ARHGAP18: variants seen among roughly 807,000 people sequenced by gnomAD.
The protein encoded by ARHGAP18 is rho GTPase-activating protein 18.
Under a neutral mutation model 86.2 loss-of-function variants are expected in ARHGAP18, and 67 were observed. The observed-to-expected ratio is 0.78, with a 90% confidence interval of 0.64 to 0.95. The LOEUF (loss-of-function observed/expected upper bound fraction) is 0.95, where lower values mean the gene tolerates loss of function less well. Among genes scored for constraint, ARHGAP18 ranks in the 40% least tolerant of loss-of-function variants. The pLI, the probability that ARHGAP18 is intolerant of heterozygous loss-of-function variation, is 0.00. For synonymous variants in ARHGAP18, 283 were observed against 280.4 expected (o/e 1.01, Z -0.09); for missense variants, 691 against 780.4 (o/e 0.89, Z 1.37).
intron 12 of ARHGAP18, among the ~76,000 whole-genome samples, chr6:129,595,362 C>T (rs1788595769): frequency 1.3e-5 from 2 of 152,090 alleles, no homozygotes; most frequent in African/African-American, 4.8e-5. Flanking sequence ...AACTAGCCAC[C>T]TCTGTTCTTT....
intron 1 of ARHGAP18, among the ~76,000 whole-genome samples, chr6:129,653,921 T>C (rs939433660): frequency 6.6e-6 from 1 of 152,110 alleles, no homozygotes; most frequent in Non-Finnish European, 1.5e-5. Flanking sequence ...CATGTGACTG[T>C]AGTCCCAGCT....
chr6:129,623,633 T>C (rs536257126), intron 5 of ARHGAP18, among the ~76,000 whole-genome samples: 2 of 152,320 alleles, frequency 1.3e-5, no homozygotes, highest in African/African-American at 4.8e-5. Flanking sequence ...TAAGGTTTTA[T>C]CTACTTAGAC....
At chr6:129,624,630 G>A (rs180936265) in intron 5 of ARHGAP18, among the ~76,000 whole-genome samples, 5 of 151,548 alleles carry the variant, frequency 3.3e-5, no homozygotes, top group Admixed American at 3.3e-4. Flanking sequence ...TTCCCATTAG[G>A]TATAAACACA....
intron 1 of ARHGAP18, among the ~76,000 whole-genome samples, chr6:129,646,499 C>T (rs1008371970): frequency 2.6e-5 from 4 of 152,110 alleles, no homozygotes; most frequent in Non-Finnish European, 4.4e-5. Context: ...CCTCAAAGAG[C>T]TTTGGCTTAT....
intron 8 of ARHGAP18, among the ~76,000 whole-genome samples, chr6:129,610,907 T>G (rs1332450763): frequency 6.6e-6 from 1 of 151,702 alleles, no homozygotes; most frequent in Non-Finnish European, 1.5e-5. Flanking sequence ...TTCTTTTATT[T>G]TTAAGAAACA....
chr6:129,673,854 G>A (rs1339662337), intron 1 of ARHGAP18, among the ~76,000 whole-genome samples: 2 of 152,082 alleles, frequency 1.3e-5, no homozygotes, highest in African/African-American at 2.4e-5. Flanking sequence ...AAAGGAAGTA[G>A]ATATATTATC....
At chr6:129,590,135 A>G (rs562371487) in intron 12 of ARHGAP18, among the ~76,000 whole-genome samples, 378 of 152,226 alleles carry the variant, frequency 2.5e-3, no homozygotes, top group Non-Finnish European at 3.9e-3. Flanking sequence ...CCAAATATTA[A>G]TCTTCTTTGG....
intron 1 of ARHGAP18, among the ~76,000 whole-genome samples, chr6:129,701,826 G>A (rs1055850598): frequency 6.6e-6 from 1 of 152,102 alleles, no homozygotes; most frequent in African/African-American, 2.4e-5. Context: ...AGATGGGTCA[G>A]TTAGCTATGA....
intron 1 of ARHGAP18, among the ~76,000 whole-genome samples, chr6:129,708,533 ACTTAACTAATC>A (rs1161943766): frequency 6.6e-6 from 1 of 152,102 alleles, no homozygotes; most frequent in Non-Finnish European, 1.5e-5. Flanking sequence ...CCTTCCAAAA[ACTTAACTAATC>A]CCTGGGGTTT....
chr6:129,700,326 C>G (rs1185416381), intron 1 of ARHGAP18, among the ~76,000 whole-genome samples: 1 of 152,174 alleles, frequency 6.6e-6, no homozygotes, highest in Non-Finnish European at 1.5e-5. Context: ...GATTTTCCAT[C>G]TTATTAAGAG....
At chr6:129,634,236 A>G in intron 3 of ARHGAP18, 131 bp from the exon 4 acceptor site, 20 of 656,532 alleles carry the variant, frequency 3.0e-5, no homozygotes, top group South Asian at 7.7e-5. Flanking sequence ...ACAGTGAAAA[A>G]GGGGCACTAA....
At chr6:129,705,004 A>ACTAT (rs1774780507) in intron 1 of ARHGAP18, among the ~76,000 whole-genome samples, 1 of 151,954 alleles carries the variant, frequency 6.6e-6, no homozygotes, top group Admixed American at 6.6e-5. Flanking sequence ...CTCTCTACCC[A>ACTAT]CTATCTGCCT....
intron 5 of ARHGAP18, among the ~76,000 whole-genome samples, chr6:129,626,937 G>C (rs1316711835): frequency 6.6e-6 from 1 of 152,048 alleles, no homozygotes; most frequent in Non-Finnish European, 1.5e-5. Flanking sequence ...GTAATGACCA[G>C]CTCAGAGAAA....
intron 12 of ARHGAP18, among the ~76,000 whole-genome samples, chr6:129,589,689 A>T (rs1788471924): frequency 6.6e-6 from 1 of 151,936 alleles, no homozygotes; most frequent in Non-Finnish European, 1.5e-5. Context: ...GCAGCACCCC[A>T]CTCTATCGGT....
chr6:129,675,749 G>T (rs1313761571), intron 1 of ARHGAP18, among the ~76,000 whole-genome samples: 1 of 152,088 alleles, frequency 6.6e-6, no homozygotes, highest in Non-Finnish European at 1.5e-5. Flanking sequence ...GTTTTTCCTT[G>T]TTCCTAGAGA....
At chr6:129,651,279 T>C (rs1212754984) in intron 1 of ARHGAP18, among the ~76,000 whole-genome samples, 1 of 152,168 alleles carries the variant, frequency 6.6e-6, no homozygotes, top group Non-Finnish European at 1.5e-5. Context: ...ATGTTTAGTC[T>C]ACAAGTAGGT....
At chr6:129,690,464 A>G (rs2114546300) in intron 1 of ARHGAP18, among the ~76,000 whole-genome samples, 1 of 152,354 alleles carries the variant, frequency 6.6e-6, no homozygotes, top group Non-Finnish European at 1.5e-5. Flanking sequence ...CAAATACAAT[A>G]AAACATAACA....
chr6:129,661,756 T>A (rs916726991), intron 1 of ARHGAP18: 1 of 479,928 alleles, frequency 2.1e-6, no homozygotes, highest in Non-Finnish European at 2.7e-6. Context: ...CTCTAAACTC[T>A]CCCTTGACAA....
intron 1 of ARHGAP18, among the ~76,000 whole-genome samples, chr6:129,683,072 T>C (rs1179987621): frequency 2.0e-5 from 3 of 150,326 alleles, no homozygotes; most frequent in Non-Finnish European, 4.4e-5. Context: ...TTTTTTTGTT[T>C]TTTTTTTTGT....
Sources: allele counts gnomAD v4.1 joint callset (sites outside exome capture counted in the v4.1 genomes callset), GRCh38; gene constraint gnomAD v4.1.1; transcripts MANE v1.5; gene names NCBI Gene and HGNC (gene_info 2026-07-23, HGNC 2026-07-21).